Variants in INTS7 observed in about 807,000 individuals in gnomAD.
INTS7 encodes integrator complex subunit 7, also known as chromosome 1 open reading frame 73.
INTS7 carries 46 observed loss-of-function variants against 109.2 expected under a neutral mutation model. The observed-to-expected ratio is 0.42, with a 90% CI of 0.33 to 0.54. The LOEUF (loss-of-function observed/expected upper bound fraction) is 0.54, where lower values mean the gene tolerates loss of function less well. Among genes scored for constraint, INTS7 ranks in the 20% least tolerant of loss-of-function variants. The pLI is 0.07. For missense variants in INTS7, 929 were observed against 1,132.4 expected, an observed-to-expected ratio of 0.82 and a Z score of 2.58; for synonymous variants, 412 against 402.9, an observed-to-expected ratio of 1.02 and a Z score of -0.27.
rs533298857 is a variant in INTS7 at position 211,977,114 on chromosome 1, G to C, written c.1471-395C>G. Among the ~76,000 whole-genome samples the C allele has an allele frequency of 4.6e-5, 7 of 152,198 alleles. No individual in the cohort carries two copies. In the East Asian group the frequency reaches 1.4e-3, roughly 29 times the overall value. ...TAAAATTAAAAATATGCAAAATACT[G>C]CATATTACTTAGGGATATACACTTT... On this transcript the variant is annotated intron_variant, in intron 11 of 19. Coordinates refer to ENST00000366994, the MANE Select transcript of INTS7 (RefSeq NM_015434.4).
intron 2 of INTS7, 53 bp from the exon 3 acceptor site, chr1:212,020,321 G>A: frequency 9.1e-7 from 1 of 1,097,316 alleles, no homozygotes; most frequent in African/African-American, 1.6e-5. Context: ...ATTTAATTAG[G>A]AACCAAAGCA....
intron 3 of INTS7, among the ~76,000 whole-genome samples, chr1:212,018,034 CTTAAT>C (rs2102486767): frequency 6.6e-6 from 1 of 152,290 alleles, no homozygotes; most frequent in East Asian, 1.9e-4. Flanking sequence ...CTGCTTCCGG[CTTAAT>C]TTTTCTCTTC....
In INTS7 at chr1:211,941,824, T is replaced by C; in HGVS notation, c.2889A>G (p.Ter963=). 2 of 1,613,602 alleles carry C rather than the reference T, an allele frequency of 1.2e-6. No homozygotes were observed. Among genetic ancestry groups the C allele is most frequent in the Non-Finnish European group, 1.7e-6 (2 of 1,179,692 alleles). Residue 963 remains the stop codon, a stop_retained_variant, in exon 20 of 20, where the codon TAA becomes TAG. Coordinates refer to ENST00000366994, the MANE Select transcript of INTS7 (RefSeq NM_015434.4). Reference sequence around the variant, plus strand: ...AGTCTGCAGTGCATTCATTCCATGGTTAAAACCGTGTGTAGGCATTGCGTT... The same window carrying C: ...AGTCTGCAGTGCATTCATTCCATGGCTAAAACCGTGTGTAGGCATTGCGTT... ...QQQRNAYTRF[*] is the part of the protein sequence containing the mutation.
chr1:211,965,693 A>T (rs936190509), intron 16 of INTS7, among the ~76,000 whole-genome samples: 1 of 152,238 alleles, frequency 6.6e-6, no homozygotes, highest in Non-Finnish European at 1.5e-5. Context: ...CTAACGCAGG[A>T]ACAGAAAACC....
chr1:211,979,947 T>C (rs529763652), intron 10 of INTS7, among the ~76,000 whole-genome samples: 19 of 152,334 alleles, frequency 1.2e-4, no homozygotes, highest in African/African-American at 4.6e-4. Flanking sequence ...CTTGGTATTA[T>C]AGTCCCCTAT....
intron 17 of INTS7, among the ~76,000 whole-genome samples, chr1:211,948,691 G>A (rs577645261): frequency 2.6e-5 from 4 of 152,252 alleles, no homozygotes; most frequent in East Asian, 1.9e-4. Flanking sequence ...GCAGAAAGAC[G>A]TTAACGCTTT....
intron 1 of INTS7, among the ~76,000 whole-genome samples, chr1:212,034,058 G>A (rs1430727027): frequency 6.6e-6 from 1 of 152,032 alleles, no homozygotes; most frequent in Non-Finnish European, 1.5e-5. Context: ...ACTCTAGCCT[G>A]GGCAACAGAG....
Position 211,998,137 on chromosome 1 carries a change from AT to A in INTS7, c.879+8501del, listed in dbSNP as rs1040121368. Among the ~76,000 whole-genome samples the A allele has an allele frequency of 6.6e-4, 100 of 151,950 alleles. 6 individuals carry two copies. Among genetic ancestry groups the A allele is most frequent in the African/African-American group, 3.4e-4 (14 of 41,354 alleles). On this transcript the variant is annotated intron_variant, in intron 7 of 19. Coordinates refer to ENST00000366994, the MANE Select transcript of INTS7 (RefSeq NM_015434.4). ...CTATGCCTAGCTGATTTTTAAAATTATTTTTTTTGTAGAGACAGGGTCTTAC... is the reference window on the plus strand; with the variant it reads ...CTATGCCTAGCTGATTTTTAAAATTATTTTTTTGTAGAGACAGGGTCTTAC...
chr1:211,968,333 T>C (rs1261139926), intron 14 of INTS7, among the ~76,000 whole-genome samples, 180 bp downstream of exon 14: 3 of 152,244 alleles, frequency 2.0e-5, no homozygotes, highest in African/African-American at 2.4e-5. Flanking sequence ...TGAGATAACA[T>C]GAATCACTTT....
intron 14 of INTS7, among the ~76,000 whole-genome samples, chr1:211,968,187 A>G (rs112126930): frequency 1.2e-3 from 185 of 152,182 alleles, no homozygotes; most frequent in African/African-American, 4.2e-3. Flanking sequence ...TCACAAGATT[A>G]TTATATATGA....
intron 17 of INTS7, among the ~76,000 whole-genome samples, chr1:211,948,548 C>A (rs1662942276): frequency 6.6e-6 from 1 of 152,194 alleles, no homozygotes. Context: ...GCAGATTTTG[C>A]AATACCCTCT....
intron 13 of INTS7, among the ~76,000 whole-genome samples, chr1:211,972,188 T>C (rs1005279326): frequency 6.6e-6 from 1 of 152,182 alleles, no homozygotes; most frequent in African/African-American, 2.4e-5. Context: ...TTTGGATATT[T>C]GTTGTATTTT....
intron 4 of INTS7, 94 bp downstream of exon 4, chr1:212,016,792 T>A: frequency 1.1e-6 from 1 of 928,762 alleles, no homozygotes; most frequent in South Asian, 1.6e-5. Flanking sequence ...CTTTCCTGTA[T>A]CTCTCAGTGT....
intron 8 of INTS7, among the ~76,000 whole-genome samples, chr1:211,984,501 T>C (rs114555075): frequency 0.011 from 1,693 of 152,294 alleles, 30 homozygotes; most frequent in African/African-American, 0.038. Flanking sequence ...AACTCACATA[T>C]AATCAGGATA....
intron 5 of INTS7, among the ~76,000 whole-genome samples, chr1:212,008,724 C>T (rs1666041508): frequency 6.6e-6 from 1 of 152,146 alleles, no homozygotes; most frequent in African/African-American, 2.4e-5. Context: ...CAAAAATATT[C>T]CTGTCTCAGT....
At position 211,975,273 on chromosome 1, in the gene INTS7, G is replaced by C. The variant is rs1571866325; in HGVS notation, c.1708C>G (p.His570Asp). The C allele has an allele frequency of 6.2e-7, 1 of 1,613,862 alleles. No individual in the cohort carries two copies. The highest frequency in any genetic ancestry group is 8.5e-7 in the Non-Finnish European group (1 of 1,179,720). Residue 570 changes from histidine (H) to aspartate (D), a missense_variant, in exon 13 of 20, where the codon CAT (histidine) becomes GAT (aspartate). This residue lies in a region of INTS7 where 787 missense variants were observed against 901.1 expected (regional missense o/e 0.87). Coordinates refer to ENST00000366994, the MANE Select transcript of INTS7 (RefSeq NM_015434.4). ...AACCCAGTGAGACACTGTTCTGCAT[G>C]TGAAAACTCCTTCAAACTATTTAGC... ...FWLNSLKEFSHAEQCLTGLQE... is the reference protein window; with the variant it reads ...FWLNSLKEFSDAEQCLTGLQE...
rs761787531 is a variant in INTS7 at position 211,968,565 on chromosome 1, ATTG to A, written c.1955_1957del (p.Thr652del). The A allele has an allele frequency of 1.6e-5, 26 of 1,614,026 alleles. No individual in the cohort carries two copies. The highest frequency in any genetic ancestry group is 6.6e-5 in the South Asian group (6 of 91,088). On this transcript the variant is annotated inframe_deletion, in exon 14 of 20. Coordinates refer to ENST00000366994, the MANE Select transcript of INTS7 (RefSeq NM_015434.4). ...GAGGTCATTTCCTAAGGTCATGGCA[ATTG>A]TTGTGGCAATTGCAGGTGGTGGGCT... is the stretch of plus-strand genomic sequence containing the variant.
intron 16 of INTS7, among the ~76,000 whole-genome samples, chr1:211,961,454 G>C (rs1663628643): frequency 6.6e-6 from 1 of 151,402 alleles, no homozygotes; most frequent in Non-Finnish European, 1.5e-5. Flanking sequence ...TCCTGAGATG[G>C]AGTCTTGGTC....
At chr1:212,017,844 T>C (rs932158146) in intron 3 of INTS7, among the ~76,000 whole-genome samples, 4 of 152,210 alleles carry the variant, frequency 2.6e-5, no homozygotes, top group African/African-American at 9.7e-5. Context: ...CTAGTACTGT[T>C]AAAAATAAGT....
Sources: allele counts gnomAD v4.1 joint callset (sites outside exome capture counted in the v4.1 genomes callset), GRCh38; gene constraint gnomAD v4.1.1; regional missense constraint gnomAD v4.1.1; transcripts MANE v1.5; gene names NCBI Gene and HGNC (gene_info 2026-07-23, HGNC 2026-07-21).